The following NRG1 variants were observed in gnomAD, a reference collection of about 807,000 sequenced individuals.
NRG1 encodes the protein pro-neuregulin-1, membrane-bound isoform.
A neutral mutation model predicts 63.8 loss-of-function variants in NRG1; 18 were observed. That is an observed-to-expected ratio of 0.28 (90% confidence interval 0.19 to 0.42). NRG1 has a LOEUF of 0.42. Among genes scored for constraint, NRG1 ranks in the 10% least tolerant of loss-of-function variants. NRG1 has a pLI of 1.00. For missense variants in NRG1, 762 were observed against 814.7 expected, an observed-to-expected ratio of 0.94 and a Z score of 0.79; for synonymous variants, 302 against 301.3, an observed-to-expected ratio of 1.00 and a Z score of -0.02.
At chr8:31,721,023 A>T (rs1334639601) in intron 1 of NRG1, among the ~76,000 whole-genome samples, 1 of 152,180 alleles carries the variant, frequency 6.6e-6, no homozygotes, top group Non-Finnish European at 1.5e-5. Flanking sequence ...AATAAATCAC[A>T]TATGACTAGA....
At chr8:32,770,963 A>G (rs1392942845), downstream of NRG1, among the ~76,000 whole-genome samples, 1 of 152,194 alleles carries the variant, frequency 6.6e-6, no homozygotes, top group African/African-American at 2.4e-5. Context: ...GCATATCCCC[A>G]TTGCACAATG....
intron 1 of NRG1, among the ~76,000 whole-genome samples, chr8:31,930,381 T>C (rs891065148): frequency 5.9e-5 from 9 of 152,230 alleles, no homozygotes; most frequent in Non-Finnish European, 8.8e-5. Context: ...TGGTACAGTT[T>C]CTAGAACCTA....
At chr8:32,105,414 T>G (rs1326831998) in intron 1 of NRG1, among the ~76,000 whole-genome samples, 1 of 152,128 alleles carries the variant, frequency 6.6e-6, no homozygotes, top group Non-Finnish European at 1.5e-5. Context: ...AGAGAACTTG[T>G]GCAGGGAAAC....
intron 1 of NRG1, among the ~76,000 whole-genome samples, chr8:32,079,705 G>A (rs1827155167): frequency 1.3e-5 from 2 of 152,066 alleles, no homozygotes; most frequent in Non-Finnish European, 2.9e-5. Flanking sequence ...TAACTGGCAT[G>A]TACAGAATTT....
At chr8:32,140,527 A>G (rs1836112868) in intron 1 of NRG1, among the ~76,000 whole-genome samples, 1 of 151,822 alleles carries the variant, frequency 6.6e-6, no homozygotes, top group African/African-American at 2.4e-5. Flanking sequence ...CAGTGGCATA[A>G]TGACAACTCA....
rs1229138286 is a variant in NRG1 at position 32,730,053 on chromosome 8, A to C, written c.632+1975A>C. 2.6e-5 allele frequency among the ~76,000 whole-genome samples: 4 copies of C among 152,366 alleles called. No homozygotes were observed. In the South Asian group the frequency reaches 8.3e-4, roughly 32 times the overall value. ...AAAAGACTTAGAGCCAGAACAGTAA[A>C]ATTCTAATCTCAATTACTAAACATC... On this transcript the variant is annotated intron_variant, in intron 6 of 11. Transcript: ENST00000356819.
chr8:32,257,293 C>G (rs1849836139), intron 1 of NRG1, among the ~76,000 whole-genome samples: 1 of 152,264 alleles, frequency 6.6e-6, no homozygotes, highest in Admixed American at 6.5e-5. Flanking sequence ...GGGGAGTGAA[C>G]AGTTCTGTCT....
chr8:32,259,500 C>A (rs1013541667), intron 1 of NRG1, among the ~76,000 whole-genome samples: 1 of 152,138 alleles, frequency 6.6e-6, no homozygotes, highest in Non-Finnish European at 1.5e-5. Flanking sequence ...TCTTGGACTT[C>A]CCAGCCCCAG....
intron 1 of NRG1, among the ~76,000 whole-genome samples, chr8:32,060,966 C>G (rs1005821338): frequency 6.6e-6 from 1 of 151,754 alleles, no homozygotes; most frequent in African/African-American, 2.4e-5. Context: ...TGTGAACTTC[C>G]CATCACCTAT....
At chr8:32,448,558 C>T (rs560111770) in intron 1 of NRG1, among the ~76,000 whole-genome samples, 1 of 152,126 alleles carries the variant, frequency 6.6e-6, no homozygotes, top group South Asian at 2.1e-4. Flanking sequence ...CTTTTTAGCC[C>T]CTAAAGCACT....
intron 1 of NRG1, among the ~76,000 whole-genome samples, chr8:32,407,275 T>TTATATATATATATATATATTATA (rs1563420477): frequency 4.4e-4 from 21 of 47,564 alleles, no homozygotes; most frequent in African/African-American, 1.5e-3. Flanking sequence ...TATATATATA[T>TTATATATATATATATATATTATA]TATATATATA....
At chr8:32,080,162 G>T (rs1450596181) in intron 1 of NRG1, among the ~76,000 whole-genome samples, 2 of 151,944 alleles carry the variant, frequency 1.3e-5, no homozygotes, top group Non-Finnish European at 2.9e-5. Flanking sequence ...TGCTTTTAAA[G>T]GAAAATTTTT....
intron 1 of NRG1, among the ~76,000 whole-genome samples, chr8:32,066,327 A>AAATG (rs1824810549): frequency 6.6e-6 from 1 of 152,168 alleles, no homozygotes; most frequent in African/African-American, 2.4e-5. Context: ...TAGGTCTAAC[A>AAATG]TTTAAGTCTT....
intron 5 of NRG1, among the ~76,000 whole-genome samples, chr8:32,663,763 C>T (rs1426059494): frequency 1.3e-5 from 2 of 152,084 alleles, no homozygotes; most frequent in Admixed American, 1.3e-4. Flanking sequence ...AGGGTGAAGG[C>T]TCCTGTTGCA....
At chr8:32,509,089 T>C in intron 1 of NRG1, among the ~76,000 whole-genome samples, 1 of 111,812 alleles carries the variant, frequency 8.9e-6, no homozygotes, top group Non-Finnish European at 1.9e-5. Flanking sequence ...TTTATTTTAT[T>C]TTATTTTATA....
chr8:32,692,677 CA>C (rs2128939766), intron 5 of NRG1, among the ~76,000 whole-genome samples: 1 of 152,262 alleles, frequency 6.6e-6, no homozygotes, highest in South Asian at 2.1e-4. Flanking sequence ...TTTTAAGTAG[CA>C]GAAAAATAAC....
intron 1 of NRG1, among the ~76,000 whole-genome samples, chr8:32,159,942 C>T (rs2131904416): frequency 6.6e-6 from 1 of 152,242 alleles, no homozygotes; most frequent in South Asian, 2.1e-4. Flanking sequence ...GGCACAACAG[C>T]AGAAATTATT....
Position 32,378,795 on chromosome 8 carries a change from G to A in NRG1, c.38-217033G>A, listed in dbSNP as rs1177222073. ...TCCCCCAACCCCACAACAGGCCCCA[G>A]AGTGTGTTGTTCCCCTTCCTGTATC... On this transcript the variant is annotated intron_variant, in intron 1 of 10. Transcript: ENST00000519301. Among the ~76,000 whole-genome samples the A allele has an allele frequency of 6.9e-5, 8 of 115,456 alleles. No individual in the cohort carries two copies. The East Asian group carries it at 1.9e-3, about 28-fold the overall frequency. 75.7% of individuals were successfully genotyped at this position (115,456 alleles called of 152,430 possible).
At chr8:31,780,017 A>T (rs1819525708) in intron 1 of NRG1, among the ~76,000 whole-genome samples, 1 of 152,222 alleles carries the variant, frequency 6.6e-6, no homozygotes, top group Non-Finnish European at 1.5e-5. Context: ...ATAAGCAGAC[A>T]CCTGAGGCTC....
Sources: allele counts gnomAD v4.1 joint callset (sites outside exome capture counted in the v4.1 genomes callset), GRCh38; gene constraint gnomAD v4.1.1; transcripts MANE v1.5; gene names NCBI Gene and HGNC (gene_info 2026-07-23, HGNC 2026-07-21).